EYS: variants seen among roughly 807,000 people sequenced by gnomAD.
The protein encoded by EYS is protein eyes shut homolog.
EYS carries 250 observed loss-of-function variants against 282.1 expected under a neutral mutation model. The observed-to-expected ratio is 0.89, with a 90% CI of 0.80 to 0.98. The LOEUF is 0.98. EYS is among the 50% of genes least tolerant of loss of function. The pLI, the probability that EYS is intolerant of heterozygous loss-of-function variation, is 0.00. For missense variants in EYS, 4,016 were observed against 3,709.0 expected (o/e 1.08, Z -2.15); for synonymous variants, 1,355 against 1,282.9 (o/e 1.06, Z -1.20).
chr6:63,952,433 C>T (rs953853182), intron 35 of EYS, among the ~76,000 whole-genome samples: 3 of 152,126 alleles, frequency 2.0e-5, no homozygotes, highest in African/African-American at 4.8e-5. Context: ...GAGGGTAAGT[C>T]GGTCCCCTTC....
chr6:64,729,617 A>G (rs1253912161), intron 22 of EYS, among the ~76,000 whole-genome samples: 2 of 152,238 alleles, frequency 1.3e-5, no homozygotes, highest in Admixed American at 6.5e-5. Context: ...TAGATGAGTA[A>G]GAAATGGATG....
Position 65,344,140 on chromosome 6 carries a change from G to T in EYS, c.1497C>A (p.Ala499=), listed in dbSNP as rs1300237940. 1 of 1,610,022 alleles carries T rather than the reference G, an allele frequency of 6.2e-7. No homozygotes were observed. The highest frequency in any genetic ancestry group is 8.5e-7 in the Non-Finnish European group (1 of 1,177,572). The change falls in exon 10 of 43, where the codon GCC becomes GCA. Residue 499 remains alanine (A), a synonymous_variant. Coordinates refer to ENST00000503581, the MANE Select transcript of EYS (RefSeq NM_001142800.2). ...TGCAGTTTGCAGCCAGAAAGAAATA[G>T]GCATCAATAACCCCTTGGCACTTTT... ...EGEKCQGVID[A]YFFLAANCTE...
chr6:64,916,669 C>T (rs1324165869), intron 15 of EYS, among the ~76,000 whole-genome samples: 1 of 152,026 alleles, frequency 6.6e-6, no homozygotes, highest in Non-Finnish European at 1.5e-5. Context: ...AAACTCACAG[C>T]TAGAAGCAGA....
chr6:65,628,645 G>C (rs1043479964), intron 2 of EYS, among the ~76,000 whole-genome samples: 1 of 151,814 alleles, frequency 6.6e-6, no homozygotes, highest in African/African-American at 2.4e-5. Flanking sequence ...AACTCCAGAC[G>C]CGCTACCTTA....
intron 19 of EYS, among the ~76,000 whole-genome samples, chr6:64,823,711 C>T (rs181897424): frequency 1.3e-5 from 2 of 152,038 alleles, no homozygotes; most frequent in African/African-American, 4.8e-5. Flanking sequence ...GGTGAGTATT[C>T]AGAGTGTAAG....
intron 26 of EYS, among the ~76,000 whole-genome samples, chr6:64,580,326 C>T (rs777704460): frequency 3.9e-5 from 6 of 152,036 alleles, no homozygotes; most frequent in Non-Finnish European, 8.8e-5. Context: ...TTGAGTTATG[C>T]ACAATATTCT....
intron 13 of EYS, among the ~76,000 whole-genome samples, chr6:65,006,531 G>T (rs56335019): frequency 0.26 from 30,603 of 118,766 alleles, 4,154 homozygotes; most frequent in African/African-American, 0.42. Context: ...AAAGCAAAAA[G>T]GTAGCTTTCT....
At chr6:64,404,734 G>T (rs1451285160) in intron 28 of EYS, among the ~76,000 whole-genome samples, 1 of 152,168 alleles carries the variant, frequency 6.6e-6, no homozygotes, top group Non-Finnish European at 1.5e-5. Flanking sequence ...TCCAAAGGAA[G>T]TGAGATTTGA....
In EYS at chr6:63,847,843, A is replaced by G. The variant is rs529519863; in HGVS notation, c.7228+16343T>C. Among the ~76,000 whole-genome samples, 3 of 152,326 alleles carry G rather than the reference A, an allele frequency of 2.0e-5. No homozygotes were observed. In the South Asian group the frequency reaches 6.2e-4, roughly 32 times the overall value. On this transcript the variant is annotated intron_variant, in intron 36 of 42. Coordinates refer to ENST00000503581, the MANE Select transcript of EYS (RefSeq NM_001142800.2). ...TTTTATGAGTGAAGATTCATATTAAATGATTTTGTGGCTCTTTGTCAAATG... is the reference window on the plus strand; with the variant it reads ...TTTTATGAGTGAAGATTCATATTAAGTGATTTTGTGGCTCTTTGTCAAATG...
Position 63,807,285 on chromosome 6 carries a change from C to T in EYS, c.7229-913G>A, listed in dbSNP as rs541713750. ...ATCTATTTTTATTGGTTGGGGACAG[C>T]TCGGTTGAGGAAATAAGAGCTTATG... On this transcript the variant is annotated intron_variant, in intron 36 of 42. Transcript: ENST00000503581. Among the ~76,000 whole-genome samples, 15 of 152,178 alleles carry T rather than the reference C, an allele frequency of 9.9e-5. No homozygotes were observed. In the South Asian group the frequency reaches 3.1e-3, roughly 32 times the overall value.
intron 18 of EYS, among the ~76,000 whole-genome samples, chr6:64,896,691 G>A (rs1314571138): frequency 6.6e-6 from 1 of 152,072 alleles, no homozygotes; most frequent in Non-Finnish European, 1.5e-5. Context: ...AGCAACCTAA[G>A]ATCCACTGGC....
chr6:64,619,067 T>C (rs1035453985), intron 23 of EYS, among the ~76,000 whole-genome samples: 2 of 152,144 alleles, frequency 1.3e-5, no homozygotes, highest in African/African-American at 2.4e-5. Flanking sequence ...GATATAAAAT[T>C]CAGAATAGTT....
At chr6:63,945,365 C>T (rs1765365311) in intron 35 of EYS, among the ~76,000 whole-genome samples, 1 of 152,068 alleles carries the variant, frequency 6.6e-6, no homozygotes. Flanking sequence ...ATCCAATTAC[C>T]TCCCGCCGGT....
intron 8 of EYS, among the ~76,000 whole-genome samples, chr6:65,355,979 A>G (rs1005430490): frequency 6.6e-6 from 1 of 152,128 alleles, no homozygotes. Context: ...ACTACCGGAT[A>G]TCTGCGCAAA....
intron 22 of EYS, among the ~76,000 whole-genome samples, chr6:64,636,412 G>A (rs11753648): frequency 2.6e-5 from 4 of 152,164 alleles, no homozygotes; most frequent in South Asian, 2.1e-4. Flanking sequence ...ACTGGATCCC[G>A]TCCTTACATC....
intron 1 of EYS, among the ~76,000 whole-genome samples, chr6:65,675,104 A>T (rs1457910406): frequency 6.6e-6 from 1 of 151,898 alleles, no homozygotes; most frequent in Non-Finnish European, 1.5e-5. Context: ...GAAAATATCT[A>T]TAAGAGATAT....
chr6:63,875,555 C>T (rs1207737087), intron 35 of EYS, among the ~76,000 whole-genome samples: 1 of 152,188 alleles, frequency 6.6e-6, no homozygotes, highest in African/African-American at 2.4e-5. Flanking sequence ...GGTACCAGCT[C>T]CTCCTTGTAC....
intron 12 of EYS, among the ~76,000 whole-genome samples, chr6:65,216,468 T>C (rs922835378): frequency 3.3e-5 from 5 of 151,958 alleles, no homozygotes; most frequent in African/African-American, 9.7e-5. Context: ...CACAAATATA[T>C]TTAATTTACC....
chr6:64,258,180 A>C (rs1054327419), intron 30 of EYS, among the ~76,000 whole-genome samples: 1 of 152,094 alleles, frequency 6.6e-6, no homozygotes, highest in Non-Finnish European at 1.5e-5. Context: ...AAGTAAGCAA[A>C]AATTAACTTA....
Sources: allele counts gnomAD v4.1 joint callset (sites outside exome capture counted in the v4.1 genomes callset), GRCh38; gene constraint gnomAD v4.1.1; transcripts MANE v1.5; gene names NCBI Gene and HGNC (gene_info 2026-07-23, HGNC 2026-07-21).